C7: variants seen among roughly 807,000 people sequenced by gnomAD.
C7 encodes complement component C7.
A neutral mutation model predicts 104.8 loss-of-function variants in C7; 83 were observed. The observed-to-expected ratio is 0.79, with a 90% CI of 0.66 to 0.95. The LOEUF (loss-of-function observed/expected upper bound fraction) is 0.95. Among genes scored for constraint, C7 ranks in the 40% least tolerant of loss-of-function variants. C7 has a pLI of 0.00. For synonymous variants in C7, 415 were observed against 360.6 expected (o/e 1.15, Z -1.71); for missense variants, 1,070 against 1,011.2 (o/e 1.06, Z -0.79).
chr5:40,934,147 T>C (rs1257625317), intron 3 of C7, among the ~76,000 whole-genome samples, 178 bp from the exon 4 acceptor site: 3 of 151,970 alleles, frequency 2.0e-5, no homozygotes, highest in African/African-American at 7.2e-5. Context: ...GACAAATAGG[T>C]CTGTGAATTC....
At chr5:40,930,730 T>A (rs1052258978) in intron 2 of C7, among the ~76,000 whole-genome samples, 4 of 151,340 alleles carry the variant, frequency 2.6e-5, no homozygotes, top group East Asian at 1.9e-4. Context: ...GCCTGGCTAA[T>A]TTTTTTTGTA....
intron 6 of C7, among the ~76,000 whole-genome samples, chr5:40,940,910 A>G (rs1420282053): frequency 2.6e-5 from 4 of 152,196 alleles, no homozygotes; most frequent in African/African-American, 4.8e-5. Context: ...CAGAGCAGAC[A>G]CTATACTTAC....
At chr5:40,953,187 T>C (rs966839714) in intron 9 of C7, among the ~76,000 whole-genome samples, 11 of 152,072 alleles carry the variant, frequency 7.2e-5, no homozygotes, top group African/African-American at 2.7e-4. Flanking sequence ...ACTATTAAGA[T>C]TTACAGTCAC....
chr5:40,981,756 C>G lies in C7; in HGVS notation c.*183C>G. The G allele has an allele frequency of 1.9e-6, 1 of 513,862 alleles. No homozygotes were observed. Among genetic ancestry groups the G allele is most frequent in the Admixed American group, 3.4e-5 (1 of 29,558 alleles). 31.8% of individuals were successfully genotyped at this position (513,862 alleles called of 1,614,324 possible). A position where few individuals can be genotyped will look rare whatever the true frequency, so the allele number is the denominator to read the frequency against. ...TCTCCCAAATCTGAATCGAATTACT[C>G]TTTTGCCTCCTTTTTAATGTCAGTA... On this transcript the variant is annotated 3_prime_UTR_variant, in exon 18 of 18. Coordinates refer to ENST00000313164, the MANE Select transcript of C7 (RefSeq NM_000587.4).
intron 6 of C7, among the ~76,000 whole-genome samples, chr5:40,938,858 TAGA>T (rs1343610285): frequency 6.6e-6 from 1 of 152,170 alleles, no homozygotes; most frequent in African/African-American, 2.4e-5. Flanking sequence ...AGAAGGAAGA[TAGA>T]GGAGAGATTT....
At position 40,984,468 on chromosome 5, in the gene C7, G is replaced by A. The variant is rs1376612083; in HGVS notation, c.*2895G>A. Among the ~76,000 whole-genome samples the A allele has an allele frequency of 6.6e-6, 1 of 152,136 alleles. No homozygotes were observed. The highest frequency in any genetic ancestry group is 2.4e-5 in the African/African-American group (1 of 41,432). On this transcript the variant is annotated 3_prime_UTR_variant, in exon 18 of 18. Coordinates refer to ENST00000313164, the MANE Select transcript of C7 (RefSeq NM_000587.4). ...GTCTTGTGAACCATCTAGTTGTTTT[G>A]TAACTGCTAAGAGCTGCAAGTGCTG...
chr5:40,968,598 ATATTTTTTTTTTTTTTTTTT>A (rs1561257547), intron 14 of C7, among the ~76,000 whole-genome samples: 14 of 22,052 alleles, frequency 6.3e-4, no homozygotes, highest in African/African-American at 9.5e-4. Flanking sequence ...ATATATATAT[ATATTTTTTTTTTTTTTTTTT>A]TTTTTTTTTT....
At chr5:40,927,624 G>T (rs1371280752) in intron 1 of C7, among the ~76,000 whole-genome samples, 1 of 151,966 alleles carries the variant, frequency 6.6e-6, no homozygotes, top group Non-Finnish European at 1.5e-5. Flanking sequence ...TAAAAAATGG[G>T]CAAGAGACCT....
chr5:40,934,211 G>A, intron 3 of C7, 114 bp from the exon 4 acceptor site: 1 of 1,110,250 alleles, frequency 9.0e-7, no homozygotes, highest in Admixed American at 3.4e-5. Flanking sequence ...TCCAGACGTT[G>A]TTTTTCTAAT....
chr5:40,955,547 A>G lies in C7; in HGVS notation c.1254A>G (p.Lys418=). 1 of 1,611,340 alleles carries G rather than the reference A, an allele frequency of 6.2e-7. No individual in the cohort carries two copies. The change falls in exon 10 of 18, where the codon AAA becomes AAG. Residue 418 remains lysine, a synonymous_variant. Coordinates refer to ENST00000313164, the MANE Select transcript of C7 (RefSeq NM_000587.4). ...ESVTNLPQVI[K]QKLTPLYELV... is the part of the protein sequence containing the mutation. The stretch of plus-strand genomic sequence containing the variant: ...TGACTAATCTTCCTCAAGTCATAAA[A>G]CAAAAGGTATGTCAGGCTTTGTTTA...
At chr5:40,956,473 T>C (rs1483255874) in intron 10 of C7, among the ~76,000 whole-genome samples, 1 of 152,264 alleles carries the variant, frequency 6.6e-6, no homozygotes, top group African/African-American at 2.4e-5. Flanking sequence ...TATTCCTATG[T>C]GGCTTGTTTC....
At chr5:40,976,610 A>T (rs1450920399) in intron 15 of C7, 140 bp from the exon 16 acceptor site, 2 of 528,958 alleles carry the variant, frequency 3.8e-6, no homozygotes, top group Non-Finnish European at 3.3e-6. Flanking sequence ...TCACACCTTG[A>T]TTATTATTAC....
In C7 at chr5:40,983,820, C is replaced by G. The variant is rs1190718590; in HGVS notation, c.*2247C>G. Among the ~76,000 whole-genome samples, 2 of 152,142 alleles carry G rather than the reference C, an allele frequency of 1.3e-5. No homozygotes were observed. Among genetic ancestry groups the G allele is most frequent in the African/African-American group, 4.8e-5 (2 of 41,418 alleles). On this transcript the variant is annotated 3_prime_UTR_variant, in exon 18 of 18. Coordinates refer to ENST00000313164, the MANE Select transcript of C7 (RefSeq NM_000587.4). Reference sequence around the variant, plus strand: ...AAAAAGAATAAAGACTGTGAGAATTCCATCTTCCTGCCCTTTCCTGTGCCT... The same window carrying G: ...AAAAAGAATAAAGACTGTGAGAATTGCATCTTCCTGCCCTTTCCTGTGCCT...
At chr5:40,957,968 C>A in intron 10 of C7, 65 bp from the exon 11 acceptor site, 1 of 1,184,278 alleles carries the variant, frequency 8.4e-7, no homozygotes, top group South Asian at 1.8e-5. Flanking sequence ...CGTGCCTAAA[C>A]ATGAAAAGCA....
chr5:40,952,083 G>A (rs1740182502), intron 9 of C7, among the ~76,000 whole-genome samples: 1 of 152,234 alleles, frequency 6.6e-6, no homozygotes, highest in Admixed American at 6.5e-5. Flanking sequence ...GTTGACATCA[G>A]TCTTCAGTTG....
intron 17 of C7, 53 bp from the exon 18 acceptor site, chr5:40,981,339 G>A: frequency 6.5e-7 from 1 of 1,532,634 alleles, no homozygotes. Context: ...GATGTTCTTT[G>A]ACTCCCCGAC....
At position 40,915,619 on chromosome 5, in the gene C7, G is replaced by A. The variant is rs117570593; in HGVS notation, c.6+6003G>A. ...ATAGCTTATAATTTAAAACAAAAAC[G>A]TCTTAAAAACTTATACGATCCACAT... is the stretch of plus-strand genomic sequence containing the variant. On this transcript the variant is annotated intron_variant, in intron 1 of 17. Transcript: ENST00000313164. 1.3e-3 allele frequency among the ~76,000 whole-genome samples: 191 copies of A among 152,160 alleles called. 3 individuals carry two copies. In the East Asian group the frequency reaches 0.03, roughly 24 times the overall value.
intron 6 of C7, among the ~76,000 whole-genome samples, chr5:40,944,858 G>A (rs947573874): frequency 9.2e-5 from 14 of 152,090 alleles, no homozygotes; most frequent in Non-Finnish European, 4.4e-5. Context: ...AATCAAGAAC[G>A]AAATTCTTTC....
intron 14 of C7, among the ~76,000 whole-genome samples, chr5:40,968,685 C>T (rs1475772875): frequency 2.2e-5 from 3 of 138,096 alleles, no homozygotes; most frequent in Non-Finnish European, 4.6e-5. Context: ...AATCTTGGCT[C>T]ACTGTAATCT....
Sources: gnomAD v4.1 joint callset for allele counts (sites outside exome capture counted in the v4.1 genomes callset) on GRCh38, gnomAD v4.1.1 for gene constraint, MANE v1.5 for transcripts, NCBI Gene and HGNC (gene_info 2026-07-23, HGNC 2026-07-21) for gene names.